PCDH15: variants seen among roughly 807,000 people sequenced by gnomAD.
PCDH15 encodes the protein protocadherin-15.
Under a neutral mutation model 178.5 loss-of-function variants are expected in PCDH15, and 129 were observed. The ratio of observed to expected loss-of-function variants is 0.72; its 90% CI spans 0.63 to 0.84. The LOEUF is 0.84. Among genes scored for constraint, PCDH15 ranks in the 40% least tolerant of loss-of-function variants. PCDH15 has a pLI of 0.00. For synonymous variants in PCDH15, 800 were observed against 732.0 expected (o/e 1.09, Z -1.50); for missense variants, 2,230 against 2,099.9 (o/e 1.06, Z -1.21).
chr10:54,183,270 G>T (rs572359061), intron 13 of PCDH15, among the ~76,000 whole-genome samples, 174 bp downstream of exon 13: 2 of 152,032 alleles, frequency 1.3e-5, no homozygotes, highest in African/African-American at 4.8e-5. Flanking sequence ...CATGCCTGGC[G>T]GATATGCTTT....
chr10:54,303,837 T>C (rs554295677), intron 8 of PCDH15, among the ~76,000 whole-genome samples: 48 of 152,256 alleles, frequency 3.2e-4, no homozygotes, highest in Admixed American at 5.2e-4. Context: ...GGCTGATAAA[T>C]GCAAACCCTT....
intron 17 of PCDH15, among the ~76,000 whole-genome samples, chr10:54,077,988 G>T (rs370069939): frequency 6.6e-6 from 1 of 152,046 alleles, no homozygotes; most frequent in Non-Finnish European, 1.5e-5. Flanking sequence ...ACTTGAACCC[G>T]GGAGGCTGAG....
At chr10:55,227,229 A>C (rs1470585411) in intron 1 of PCDH15, among the ~76,000 whole-genome samples, 2 of 152,144 alleles carry the variant, frequency 1.3e-5, no homozygotes, top group African/African-American at 2.4e-5. Flanking sequence ...CGACAAAAAA[A>C]CTGAAAACTA....
chr10:54,597,125 C>CA (rs959142561), intron 2 of PCDH15, among the ~76,000 whole-genome samples: 3 of 152,046 alleles, frequency 2.0e-5, no homozygotes, highest in African/African-American at 7.2e-5. Flanking sequence ...AACTGTTCAT[C>CA]AAAAAACAAC....
At chr10:54,665,495 C>T (rs776543508) in intron 1 of PCDH15, among the ~76,000 whole-genome samples, 23 of 151,958 alleles carry the variant, frequency 1.5e-4, no homozygotes, top group Non-Finnish European at 2.6e-4. Flanking sequence ...TACAAAGGCA[C>T]GATTTTAATT....
At chr10:54,826,664 A>T (rs1452685372) in intron 3 of PCDH15, among the ~76,000 whole-genome samples, 1 of 151,948 alleles carries the variant, frequency 6.6e-6, no homozygotes, top group Non-Finnish European at 1.5e-5. Context: ...AGTGGGTCAT[A>T]ATTTTCTGTT....
chr10:53,808,957 T>C lies in PCDH15; in HGVS notation c.4671+1599A>G, dbSNP rs904217049. ...CACAGGGGCTGGTCCACTTTCTTCT[T>C]CTTCTGAGTGTTCTTCTTCTTCCAT... On this transcript the variant is annotated intron_variant, in intron 37 of 37. Transcript: ENST00000644397. 4 of 1,558,660 alleles carry C rather than the reference T, an allele frequency of 2.6e-6. No homozygotes were observed. The African/African-American group carries it at 4.1e-5, about 16-fold the overall frequency.
At chr10:55,402,968 C>A (rs1838108440) in intron 2 of PCDH15, among the ~76,000 whole-genome samples, 1 of 151,944 alleles carries the variant, frequency 6.6e-6, no homozygotes, top group African/African-American at 2.4e-5. Context: ...TCTCCACATC[C>A]TTGCCAGCGT....
At chr10:54,445,621 A>G (rs184643874) in intron 3 of PCDH15, among the ~76,000 whole-genome samples, 1,862 of 151,734 alleles carry the variant, frequency 0.012, 49 homozygotes, top group African/African-American at 0.043. Flanking sequence ...TTATAAACAC[A>G]GTTTCTAATA....
chr10:54,378,847 C>G lies in PCDH15; in HGVS notation c.253G>C (p.Val85Leu), dbSNP rs1206989546. 6.2e-7 allele frequency: 1 copy of G among 1,613,764 alleles called. No homozygotes were observed. The highest frequency in any genetic ancestry group is 1.3e-5 in the African/African-American group (1 of 74,884). ...LSLKDNVDYW[V>L]LMDPVKQMLF... is the part of the protein sequence containing the mutation. ...ATTTGCTTAACAGGATCCATCAACA[C>G]CCAGTAATCCACATTATCCTTTAAA... Residue 85 changes from valine (V) to leucine (L), a missense_variant, in exon 4 of 38, where the codon GTG becomes CTG. By Grantham distance (32) the Val-to-Leu change is conservative. Coordinates refer to ENST00000644397, the MANE Select transcript of PCDH15 (RefSeq NM_001384140.1).
chr10:53,809,660 A>G (rs753100142), intron 37 of PCDH15: 175 of 983,618 alleles, frequency 1.8e-4, no homozygotes, highest in Non-Finnish European at 2.5e-4. Context: ...CATGCATGTT[A>G]TATAACTGGC....
intron 21 of PCDH15, among the ~76,000 whole-genome samples, chr10:53,981,492 A>C (rs200067429): frequency 0.036 from 5,436 of 151,582 alleles, 123 homozygotes; most frequent in East Asian, 0.12. Context: ...TGGAACAGAA[A>C]AGAGCCTTCA....
chr10:55,408,481 G>A (rs969915209), intron 2 of PCDH15, among the ~76,000 whole-genome samples: 2 of 152,056 alleles, frequency 1.3e-5, no homozygotes, highest in African/African-American at 4.8e-5. Context: ...ACCTGGCCCT[G>A]TCATAACCTT....
intron 2 of PCDH15, among the ~76,000 whole-genome samples, chr10:55,535,418 T>C (rs1394691452): frequency 6.6e-6 from 1 of 152,058 alleles, no homozygotes; most frequent in Non-Finnish European, 1.5e-5. Context: ...TGGAGTCAAC[T>C]TTTCTTTTTT....
chr10:55,607,318 AC>A (rs1266931284), intron 2 of PCDH15, among the ~76,000 whole-genome samples: 5 of 150,696 alleles, frequency 3.3e-5, no homozygotes, highest in African/African-American at 9.8e-5. Flanking sequence ...AACTAGTTCA[AC>A]CATTGTGGAA....
At chr10:54,191,653 C>G (rs2048998308) in intron 11 of PCDH15, among the ~76,000 whole-genome samples, 1 of 151,190 alleles carries the variant, frequency 6.6e-6, no homozygotes, top group Admixed American at 6.6e-5. Context: ...CGCAGTGGCT[C>G]ATGCCTGTAA....
chr10:54,731,753 A>G (rs942263299), intron 1 of PCDH15, among the ~76,000 whole-genome samples: 5 of 150,562 alleles, frequency 3.3e-5, no homozygotes, highest in Non-Finnish European at 4.5e-5. Context: ...ACAAGTGACT[A>G]TCATGAAGAT....
intron 2 of PCDH15, among the ~76,000 whole-genome samples, chr10:55,578,242 G>C (rs1351064020): frequency 2.6e-4 from 39 of 151,384 alleles, no homozygotes; most frequent in Non-Finnish European, 8.8e-5. Context: ...TTTTGAGACG[G>C]AGTCTCACTC....
intron 2 of PCDH15, among the ~76,000 whole-genome samples, chr10:55,087,552 A>T (rs1842203934): frequency 6.6e-6 from 1 of 152,110 alleles, no homozygotes; most frequent in African/African-American, 2.4e-5. Context: ...TTGTTTCAGT[A>T]AAACAATGGA....
Sources: allele counts gnomAD v4.1 joint callset (sites outside exome capture counted in the v4.1 genomes callset), GRCh38; gene constraint gnomAD v4.1.1; transcripts MANE v1.5; gene names NCBI Gene and HGNC (gene_info 2026-07-23, HGNC 2026-07-21).